ACTR8: variants seen among roughly 807,000 people sequenced by gnomAD.
ACTR8 encodes actin-related protein 8.
In ACTR8, 70 loss-of-function variants were observed where a neutral mutation model predicts 84.3. The observed-to-expected ratio is 0.83, with a 90% CI of 0.68 to 1.01. ACTR8 has a LOEUF of 1.01. Ranked by LOEUF, ACTR8 falls within the 50% of genes least tolerant of loss-of-function variation. The probability of loss-of-function intolerance (pLI) is 0.00; values close to 1 mark genes in which losing one functional copy is unlikely to be tolerated. For synonymous variants in ACTR8, 268 were observed against 275.2 expected, an observed-to-expected ratio of 0.97 and a Z score of 0.26; for missense variants, 672 against 775.4, an observed-to-expected ratio of 0.87 and a Z score of 1.58.
chr3:53,881,789 G>T, intron 1 of ACTR8, 190 bp downstream of exon 1: 2 of 905,326 alleles, frequency 2.2e-6, no homozygotes, highest in Non-Finnish European at 3.3e-6. Flanking sequence ...GGCTCCTGGC[G>T]CTCCGCACCT....
Position 53,869,995 on chromosome 3 carries a change from A to ATCG in ACTR8, c.1717_1718insCGA (p.Val572_Ile573insThr), listed in dbSNP as rs754206571. ...GAAACAACCTACCTTAGGCCTTGTG[A>ATCG]TCACATCCACATTTTCAATAATTCG... On this transcript the variant is annotated inframe_insertion, in exon 12 of 13. Transcript: ENST00000335754. 1.1e-5 allele frequency: 17 copies of ATCG among 1,614,044 alleles called. No individual in the cohort carries two copies. In the African/African-American group the frequency reaches 1.9e-4, roughly 18 times the overall value.
At chr3:53,860,793 T>A in the ACTR8 span, 1 of 152,208 alleles carries the variant, frequency 6.6e-6, no homozygotes, top group Non-Finnish European at 1.5e-5. Context: ...AGGTATGTCA[T>A]AAATGCAGAA....
chr3:53,877,042 C>T (rs544926054), intron 5 of ACTR8, among the ~76,000 whole-genome samples, 172 bp downstream of exon 5: 1 of 151,674 alleles, frequency 6.6e-6, no homozygotes, highest in East Asian at 2.0e-4. Flanking sequence ...AAAAAAGCAC[C>T]AGAAGGGAAT....
chr3:53,868,453 G>A lies in ACTR8; in HGVS notation c.*266C>T, dbSNP rs1699829710. ...TTCAATAGCAACGTTTACATCACTGGGGAGTTTATGAGACCCTGAGAGAGG... is the reference window on the plus strand; with the variant it reads ...TTCAATAGCAACGTTTACATCACTGAGGAGTTTATGAGACCCTGAGAGAGG... On this transcript the variant is annotated 3_prime_UTR_variant, in exon 13 of 13. Transcript: ENST00000335754. 1 of 411,228 alleles carries A rather than the reference G, an allele frequency of 2.4e-6. No homozygotes were observed. Among genetic ancestry groups the A allele is most frequent in the African/African-American group, 2.1e-5 (1 of 48,558 alleles). 25.5% of individuals were successfully genotyped at this position (411,228 alleles called of 1,614,324 possible).
chr3:53,877,702 G>C lies in ACTR8; in HGVS notation c.455C>G (p.Ser152Trp), dbSNP rs780432704. The C allele has an allele frequency of 2.5e-6, 4 of 1,613,990 alleles. No individual in the cohort carries two copies. The highest frequency in any genetic ancestry group is 1.3e-5 in the African/African-American group (1 of 74,982). Residue 152 changes from serine (S) to tryptophan (W), a missense_variant, in exon 4 of 13, where the codon TCG becomes TGG. By Grantham distance (177) the Ser-to-Trp change is radical (BLOSUM62 -3). Transcript: ENST00000335754. ...QMRPAILDHC[S>W]GNKWTNTSHH... The stretch of plus-strand genomic sequence containing the variant: ...AGATGTGTTTGTCCACTTATTTCCC[G>C]AACAGTGATCTAAAATTGCAGGTCG...
chr3:53,866,612 G>C (rs1198489743), downstream of ACTR8, among the ~76,000 whole-genome samples: 1 of 151,532 alleles, frequency 6.6e-6, no homozygotes, highest in Non-Finnish European at 1.5e-5. Context: ...CTCCTGAGTA[G>C]CTGGGACTAC....
chr3:53,875,801 G>C, intron 7 of ACTR8, 147 bp downstream of exon 7: 1 of 1,194,974 alleles, frequency 8.4e-7, no homozygotes, highest in East Asian at 2.5e-5. Flanking sequence ...GCTAGAATAT[G>C]CACTTCCATA....
At position 53,871,573 on chromosome 3, in the gene ACTR8, C is replaced by T. The variant is rs533933097; in HGVS notation, c.1303-77G>A. 4.6e-6 allele frequency: 7 copies of T among 1,516,314 alleles called. No individual in the cohort carries two copies. The Admixed American group carries it at 1.1e-4, about 23-fold the overall frequency. The allele number at this position is 1,516,314 out of a possible 1,614,324, so 93.9% of individuals were successfully genotyped here. ...ATTGATGTTGTCTAGCTAGATCCCTCCCTACCCTACTACTATAAAACAAAA... is the reference window on the plus strand; with the variant it reads ...ATTGATGTTGTCTAGCTAGATCCCTTCCTACCCTACTACTATAAAACAAAA... On this transcript the variant is annotated intron_variant, in intron 10 of 12. Coordinates refer to ENST00000335754, the MANE Select transcript of ACTR8 (RefSeq NM_022899.5).
At position 53,877,748 on chromosome 3, in the gene ACTR8, G is replaced by A. The variant is rs200175322; in HGVS notation, c.409C>T (p.Arg137Cys). 6.3e-5 allele frequency: 102 copies of A among 1,613,178 alleles called. No homozygotes were observed. Among genetic ancestry groups the A allele is most frequent in the Admixed American group, 6.7e-5 (4 of 59,928 alleles). The change falls in exon 4 of 13, where the codon CGC becomes TGC. Residue 137 changes from arginine to cysteine, a missense_variant. By Grantham distance (180) the Arg-to-Cys change is radical. Coordinates refer to ENST00000335754, the MANE Select transcript of ACTR8 (RefSeq NM_022899.5). ...GGTCGCATCTGCTTATTGTAGGAGCGTGCCTGAAAAGAAAAACCATCAGAA... is the reference window on the plus strand; with the variant it reads ...GGTCGCATCTGCTTATTGTAGGAGCATGCCTGAAAAGAAAAACCATCAGAA... The part of the protein sequence containing the change: ...RRIPVSPEQA[R>C]SYNKQMRPAI...
At chr3:53,881,938 C>T in intron 1 of ACTR8, 41 bp downstream of exon 1, 1 of 1,553,148 alleles carries the variant, frequency 6.4e-7, no homozygotes, top group Non-Finnish European at 8.7e-7. Context: ...AGCGGAGGAC[C>T]CAAGCAAGGG....
intron 1 of ACTR8, among the ~76,000 whole-genome samples, chr3:53,880,886 T>C (rs1700047302): frequency 6.6e-6 from 1 of 152,212 alleles, no homozygotes; most frequent in South Asian, 2.1e-4. Context: ...CTGTCGGGGA[T>C]GGAGGAGGTA....
chr3:53,871,204 A>G, intron 11 of ACTR8, 28 bp downstream of exon 11: 1 of 1,597,662 alleles, frequency 6.3e-7, no homozygotes, highest in Non-Finnish European at 8.6e-7. Context: ...TTTCACTGCT[A>G]TCTCCCGGTC....
At chr3:53,865,621 T>C (rs571426330), downstream of ACTR8, 7 of 275,324 alleles carry the variant, frequency 2.5e-5, no homozygotes, top group African/African-American at 8.8e-5. Flanking sequence ...AGACCATGCA[T>C]TGCAGTGTAC....
In ACTR8 at chr3:53,873,016, G is replaced by T; in HGVS notation, c.1161+16C>A. On this transcript the variant is annotated intron_variant, in intron 9 of 12. Transcript: ENST00000335754. ...AACTTTCTTTCTACCCATGGAAACA[G>T]ATACCTATAAGTTACCTGCAGTTTT... 6.3e-7 allele frequency: 1 copy of T among 1,584,158 alleles called. No homozygotes were observed. Among genetic ancestry groups the T allele is most frequent in the East Asian group, 2.2e-5 (1 of 44,548 alleles).
chr3:53,872,986 T>C, intron 9 of ACTR8, 46 bp downstream of exon 9: 1 of 1,421,678 alleles, frequency 7.0e-7, no homozygotes, highest in Non-Finnish European at 9.8e-7. Flanking sequence ...TGATTGAACC[T>C]GGATAACTTT....
rs746933059 is a variant in ACTR8 at position 53,872,992 on chromosome 3, ACTTT to A, written c.1161+36_1161+39del. On this transcript the variant is annotated intron_variant, in intron 9 of 12. Coordinates refer to ENST00000335754, the MANE Select transcript of ACTR8 (RefSeq NM_022899.5). ...CTCTCAGTTTGATTGAACCTGGATAACTTTCTTTCTACCCATGGAAACAGATACC... is the reference window on the plus strand; with the variant it reads ...CTCTCAGTTTGATTGAACCTGGATAACTTTCTACCCATGGAAACAGATACC... 3.4e-6 allele frequency: 5 copies of A among 1,460,360 alleles called. No individual in the cohort carries two copies. In the South Asian group the frequency reaches 5.9e-5, roughly 17 times the overall value. The allele number at this position is 1,460,360 out of a possible 1,614,324, so 90.5% of individuals were successfully genotyped here.
rs1699864043 is a variant in ACTR8, at chr3:53,870,311, G to C, written c.1568-166C>G. On this transcript the variant is annotated intron_variant, in intron 11 of 12. Transcript: ENST00000335754. The surrounding 1 kb of genome is among the most constrained non-coding windows in gnomAD (Gnocchi z 4.1). ...GGGAACCCTACGAAACACAAATGTA[G>C]GCATGTTGCCACGCCACCGCAATCC... 1.3e-6 allele frequency: 1 copy of C among 744,512 alleles called. No homozygotes were observed. Among genetic ancestry groups the C allele is most frequent in the South Asian group, 1.8e-5 (1 of 54,426 alleles). 46.1% of individuals were successfully genotyped at this position (744,512 alleles called of 1,614,324 possible).
intron 7 of ACTR8, 26 bp downstream of exon 7, chr3:53,875,922 G>A: frequency 6.2e-7 from 1 of 1,613,620 alleles, no homozygotes; most frequent in Non-Finnish European, 8.5e-7. Flanking sequence ...GAGGAAACAG[G>A]GAATGCCACC....
intron 1 of ACTR8, chr3:53,881,568 C>T (rs1700060629): frequency 7.3e-6 from 2 of 273,016 alleles, no homozygotes; most frequent in South Asian, 7.2e-5. Flanking sequence ...TATCCCTTAA[C>T]AAGCACAGGC....
Sources: gnomAD v4.1 joint callset for allele counts (sites outside exome capture counted in the v4.1 genomes callset) on GRCh38, gnomAD v4.1.1 for gene constraint, Gnocchi (gnomAD v3.1) non-coding constraint, MANE v1.5 for transcripts, NCBI Gene and HGNC (gene_info 2026-07-23, HGNC 2026-07-21) for gene names.